The following SNTG2 variants were observed in gnomAD, a reference collection of about 807,000 sequenced individuals.
The protein encoded by SNTG2 is gamma-2-syntrophin.
A neutral mutation model predicts 70.9 loss-of-function variants in SNTG2; 74 were observed. The observed-to-expected ratio is 1.04, with a 90% confidence interval of 0.86 to 1.27. The LOEUF (loss-of-function observed/expected upper bound fraction) is 1.27. Ranked by LOEUF, SNTG2 falls within the 50% of genes most tolerant of loss-of-function variation. SNTG2 has a pLI of 0.00. For missense variants in SNTG2, 717 were observed against 690.7 expected (o/e 1.04, Z -0.43); for synonymous variants, 278 against 273.8 (o/e 1.02, Z -0.15).
intron 1 of SNTG2, among the ~76,000 whole-genome samples, chr2:974,294 A>G (rs1660840610): frequency 6.6e-6 from 1 of 152,112 alleles, no homozygotes. Context: ...CCCCATGTTC[A>G]TGCTCCACAT....
At chr2:1,190,927 G>A (rs112759734) in intron 8 of SNTG2, among the ~76,000 whole-genome samples, 6 of 152,222 alleles carry the variant, frequency 3.9e-5, no homozygotes, top group African/African-American at 9.6e-5. Context: ...ATTTACAACT[G>A]AATGTTTAAA....
chr2:1,096,602 G>C (rs188882156), intron 2 of SNTG2, among the ~76,000 whole-genome samples: 57 of 152,234 alleles, frequency 3.7e-4, no homozygotes, highest in African/African-American at 1.3e-3. Flanking sequence ...TGGCTTATTC[G>C]ACTCGGCACA....
rs1017750112 is a variant in SNTG2 at position 951,872 on chromosome 2, T to C, written c.72+804T>C. On this transcript the variant is annotated intron_variant, in intron 1 of 16. Coordinates refer to ENST00000308624, the MANE Select transcript of SNTG2 (RefSeq NM_018968.4). ...TGCATTGACAACCACTCCTTTAGGATTCCTTCCCCAGGAGCTCCCAGTCCC... is the reference window on the plus strand; with the variant it reads ...TGCATTGACAACCACTCCTTTAGGACTCCTTCCCCAGGAGCTCCCAGTCCC... Among the ~76,000 whole-genome samples the C allele has an allele frequency of 1.3e-5, 2 of 152,022 alleles. 1 individual carries two copies. Among genetic ancestry groups the C allele is most frequent in the African/African-American group, 4.8e-5 (2 of 41,396 alleles).
intron 4 of SNTG2, among the ~76,000 whole-genome samples, chr2:1,127,492 A>C (rs1308863858): frequency 6.6e-6 from 1 of 152,098 alleles, no homozygotes; most frequent in Non-Finnish European, 1.5e-5. Flanking sequence ...TCTGTGAAGA[A>C]TGTCATTGGT....
intron 1 of SNTG2, among the ~76,000 whole-genome samples, chr2:1,022,439 C>CT (rs939614344): frequency 2.0e-5 from 3 of 151,920 alleles, no homozygotes; most frequent in Admixed American, 6.6e-5. Context: ...TGCCGTGAAT[C>CT]TGAGTTCCCA....
rs528090026 is a variant in SNTG2 at position 1,154,747 on chromosome 2, ACT to A, written c.412-10797_412-10796del. ...AATTCCCCCTATTTAAGGAAAATGG[ACT>A]CTCCTACTGGCTGAGAAACTCAGAG... On this transcript the variant is annotated intron_variant, in intron 6 of 16. Transcript: ENST00000308624. Among the ~76,000 whole-genome samples, 591 of 152,132 alleles carry A rather than the reference ACT, an allele frequency of 3.9e-3. 3 individuals are homozygous for A. The highest frequency in any genetic ancestry group is 7.3e-3 in the Non-Finnish European group (493 of 67,988).
At chr2:1,031,507 G>GTTTTATATATA (rs1186081047) in intron 1 of SNTG2, among the ~76,000 whole-genome samples, 1 of 78,380 alleles carries the variant, frequency 1.3e-5, no homozygotes, top group Non-Finnish European at 2.3e-5. Context: ...ATAGTTCATT[G>GTTTTATATATA]TTATATATAT....
chr2:1,259,584 T>C (rs62106570), intron 13 of SNTG2, 143 bp downstream of exon 13: 68,497 of 683,646 alleles, frequency 0.1, 3,876 homozygotes, highest in South Asian at 0.14. Context: ...CTGGACCCAT[T>C]CTCCTGCCCT....
chr2:1,250,487 C>T (rs1489794418), intron 12 of SNTG2, among the ~76,000 whole-genome samples: 1 of 152,052 alleles, frequency 6.6e-6, no homozygotes, highest in Non-Finnish European at 1.5e-5. Flanking sequence ...GTGTCTCTTC[C>T]TCTGTCTGAC....
intron 1 of SNTG2, among the ~76,000 whole-genome samples, chr2:1,031,913 C>T (rs1318209895): frequency 6.6e-6 from 1 of 151,980 alleles, no homozygotes; most frequent in Non-Finnish European, 1.5e-5. Flanking sequence ...CTAATGGGCA[C>T]AGGGTTTGTT....
chr2:1,135,382 G>A (rs1668311538), intron 4 of SNTG2, among the ~76,000 whole-genome samples: 1 of 152,164 alleles, frequency 6.6e-6, no homozygotes, highest in Admixed American at 6.5e-5. Flanking sequence ...AAACAAAGAG[G>A]TTAAGTCATT....
chr2:1,069,533 C>G (rs968589936), intron 1 of SNTG2, among the ~76,000 whole-genome samples: 1 of 151,896 alleles, frequency 6.6e-6, no homozygotes, highest in Middle Eastern at 3.4e-3. Context: ...TGGCTCATGC[C>G]TGTAATCTCA....
At chr2:1,182,389 AAG>A (rs2147915522) in intron 8 of SNTG2, among the ~76,000 whole-genome samples, 2 of 152,022 alleles carry the variant, frequency 1.3e-5, no homozygotes, top group East Asian at 3.9e-4. Context: ...ACTAATCAAA[AAG>A]ACTCTGGTCA....
intron 7 of SNTG2, among the ~76,000 whole-genome samples, chr2:1,167,625 A>G (rs28436290): frequency 9.9e-4 from 79 of 79,938 alleles, no homozygotes; most frequent in African/African-American, 2.8e-3. Flanking sequence ...GAAGCCTACA[A>G]GCCGCCCACA....
intron 14 of SNTG2, among the ~76,000 whole-genome samples, chr2:1,290,470 A>G (rs966147242): frequency 1.7e-4 from 26 of 152,172 alleles, no homozygotes; most frequent in African/African-American, 6.3e-4. Context: ...ATGCACCACC[A>G]CACCCAGCTA....
intron 1 of SNTG2, among the ~76,000 whole-genome samples, chr2:966,277 A>G (rs1660565702): frequency 1.3e-5 from 2 of 152,176 alleles, no homozygotes; most frequent in Admixed American, 1.3e-4. Flanking sequence ...CTGGGTATTT[A>G]TATCTATTAA....
At chr2:1,269,072 A>C (rs1678890294) in intron 14 of SNTG2, among the ~76,000 whole-genome samples, 1 of 152,182 alleles carries the variant, frequency 6.6e-6, no homozygotes, top group Non-Finnish European at 1.5e-5. Flanking sequence ...AAAGGTTAGT[A>C]ATTTCATCTA....
At chr2:1,095,570 T>C (rs1558392802) in intron 2 of SNTG2, among the ~76,000 whole-genome samples, 3 of 152,186 alleles carry the variant, frequency 2.0e-5, no homozygotes, top group Non-Finnish European at 4.4e-5. Flanking sequence ...CCACAGGTGA[T>C]CAGTTTCTTG....
At chr2:1,253,835 A>G (rs925038182) in intron 12 of SNTG2, among the ~76,000 whole-genome samples, 5 of 152,140 alleles carry the variant, frequency 3.3e-5, no homozygotes, top group Non-Finnish European at 5.9e-5. Context: ...CACATCTTAC[A>G]TGGCCAGAGA....
Sources: allele counts gnomAD v4.1 joint callset (sites outside exome capture counted in the v4.1 genomes callset), GRCh38; gene constraint gnomAD v4.1.1; transcripts MANE v1.5; gene names NCBI Gene and HGNC (gene_info 2026-07-23, HGNC 2026-07-21).